The following GALNT13 variants were observed in gnomAD, a reference collection of about 807,000 sequenced individuals.
GALNT13 encodes polypeptide N-acetylgalactosaminyltransferase 13.
In GALNT13, 28 loss-of-function variants were observed where a neutral mutation model predicts 64.2. That is an observed-to-expected ratio of 0.44 (90% CI 0.32 to 0.60). GALNT13 has a LOEUF of 0.60. Ranked by LOEUF, GALNT13 falls within the 20% of genes least tolerant of loss-of-function variation. The pLI is 0.05. For missense variants in GALNT13, 577 were observed against 669.8 expected (o/e 0.86, Z 1.53); for synonymous variants, 214 against 224.6 (o/e 0.95, Z 0.42).
chr2:154,456,146 T>C (rs1702029714), downstream of GALNT13, among the ~76,000 whole-genome samples: 1 of 7,148 alleles, frequency 1.4e-4, no homozygotes, highest in African/African-American at 3.1e-4. Flanking sequence ...ATGTCTTTTT[T>C]TGTTTTTTTT....
the GALNT13 span, among the ~76,000 whole-genome samples, chr2:153,627,105 A>G: frequency 1.0e-3 from 155 of 152,158 alleles, no homozygotes; most frequent in Admixed American, 2.6e-3. Flanking sequence ...GGAATGTAAT[A>G]CCTGAAGGTG....
chr2:153,911,580 G>A (rs1438331596), intron 2 of GALNT13, among the ~76,000 whole-genome samples: 1 of 152,036 alleles, frequency 6.6e-6, no homozygotes, highest in Non-Finnish European at 1.5e-5. Context: ...GCTTTTTTCA[G>A]GAGCTCTTAT....
chr2:153,424,399 C>T, the GALNT13 span, among the ~76,000 whole-genome samples: 2 of 151,434 alleles, frequency 1.3e-5, no homozygotes, highest in Non-Finnish European at 3.0e-5. Context: ...AAAACCAAAA[C>T]TCATTAGTGT....
At chr2:153,910,238 A>C (rs1400136389) in intron 2 of GALNT13, among the ~76,000 whole-genome samples, 3 of 152,016 alleles carry the variant, frequency 2.0e-5, no homozygotes, top group Non-Finnish European at 4.4e-5. Context: ...AGGTATTCGT[A>C]GTAGTCTCTG....
At chr2:154,374,883 T>G (rs1697894539) in intron 9 of GALNT13, among the ~76,000 whole-genome samples, 1 of 152,252 alleles carries the variant, frequency 6.6e-6, no homozygotes, top group Non-Finnish European at 1.5e-5. Flanking sequence ...AGATAGATAG[T>G]GATTTAATTA....
Position 153,928,230 on chromosome 2 carries a change from A to G in GALNT13, c.-104-16164A>G, listed in dbSNP as rs569416584. ...CCTGTTTTGAAATGGAAGCCTAGATAAGAAATAACCACATTATTCTACACA... is the reference window on the plus strand; with the variant it reads ...CCTGTTTTGAAATGGAAGCCTAGATGAGAAATAACCACATTATTCTACACA... On this transcript the variant is annotated intron_variant, in intron 2 of 12. Transcript: ENST00000392825. Among the ~76,000 whole-genome samples, 4 of 152,278 alleles carry G rather than the reference A, an allele frequency of 2.6e-5. No individual in the cohort carries two copies. The South Asian group carries it at 8.3e-4, about 32-fold the overall frequency.
intron 9 of GALNT13, among the ~76,000 whole-genome samples, chr2:154,368,268 A>G (rs1012953671): frequency 7.9e-5 from 12 of 152,144 alleles, no homozygotes; most frequent in African/African-American, 2.9e-4. Context: ...TTATTCTGAT[A>G]TGAGCTTCTC....
the GALNT13 span, among the ~76,000 whole-genome samples, chr2:153,123,188 A>G: frequency 1.3e-5 from 2 of 152,306 alleles, no homozygotes; most frequent in African/African-American, 4.8e-5. Flanking sequence ...TCTGCAAGCT[A>G]GGAAACACCA....
chr2:154,287,176 T>C, intron 8 of GALNT13: 1 of 1,482,946 alleles, frequency 6.7e-7, no homozygotes, highest in Non-Finnish European at 9.3e-7. Flanking sequence ...AACAATTGGC[T>C]CAGCAGGAAG....
chr2:153,130,475 C>T, the GALNT13 span, among the ~76,000 whole-genome samples: 1 of 152,144 alleles, frequency 6.6e-6, no homozygotes, highest in South Asian at 2.1e-4. Context: ...TTGCTGAAAA[C>T]TCTCTAAGTG....
At chr2:154,381,049 C>A (rs1412933814) in intron 9 of GALNT13, among the ~76,000 whole-genome samples, 1 of 151,954 alleles carries the variant, frequency 6.6e-6, no homozygotes, top group Admixed American at 6.6e-5. Flanking sequence ...AAAGTGACAC[C>A]TCATCATTTT....
chr2:153,141,099 A>T, the GALNT13 span, among the ~76,000 whole-genome samples: 2 of 106,026 alleles, frequency 1.9e-5, no homozygotes, highest in East Asian at 5.4e-4. Flanking sequence ...TTGACATTTC[A>T]TATGTAAAAT....
chr2:153,580,686 T>TA, the GALNT13 span, among the ~76,000 whole-genome samples: 61 of 152,134 alleles, frequency 4.0e-4, no homozygotes, highest in African/African-American at 1.3e-3. Context: ...AAACTTTGAG[T>TA]AAAAAACATG....
In GALNT13 at chr2:154,140,520, G is replaced by C. The variant is rs780009190; in HGVS notation, c.311+15G>C. 6.4e-7 allele frequency: 1 copy of C among 1,562,114 alleles called. No individual in the cohort carries two copies. Among genetic ancestry groups the C allele is most frequent in the East Asian group, 2.3e-5 (1 of 44,412 alleles). ...AGATTAGAAGGGTAAGTTTGCATTT[G>C]TTATATAATCTTTTATATTCATAAT... On this transcript the variant is annotated intron_variant, in intron 4 of 12. Coordinates refer to ENST00000392825, the MANE Select transcript of GALNT13 (RefSeq NM_052917.4).
chr2:153,723,880 C>T, the GALNT13 span, among the ~76,000 whole-genome samples: 2 of 150,632 alleles, frequency 1.3e-5, no homozygotes, highest in Non-Finnish European at 2.9e-5. Flanking sequence ...CCATACTGCC[C>T]AAGGTAATTT....
At chr2:153,512,169 T>C in the GALNT13 span, among the ~76,000 whole-genome samples, 6 of 152,142 alleles carry the variant, frequency 3.9e-5, no homozygotes, top group South Asian at 1.2e-3. Context: ...GGGGAAGCAC[T>C]GAAGAGAAAG....
At chr2:153,087,517 CTCTG>C in the GALNT13 span, among the ~76,000 whole-genome samples, 4 of 152,074 alleles carry the variant, frequency 2.6e-5, no homozygotes, top group Admixed American at 1.3e-4. Context: ...ACAATTTGTT[CTCTG>C]TCTGTCTTTT....
At chr2:153,371,724 T>A in the GALNT13 span, among the ~76,000 whole-genome samples, 1 of 152,204 alleles carries the variant, frequency 6.6e-6, no homozygotes, top group Non-Finnish European at 1.5e-5. Flanking sequence ...TTATCCTTAA[T>A]TTGATTGAAA....
chr2:154,174,138 G>C (rs1276053657), intron 4 of GALNT13, among the ~76,000 whole-genome samples: 3 of 152,094 alleles, frequency 2.0e-5, no homozygotes, highest in African/African-American at 4.8e-5. Flanking sequence ...TTCTTGATTT[G>C]TTGTTTGCAA....
Sources: gnomAD v4.1 joint callset for allele counts (sites outside exome capture counted in the v4.1 genomes callset) on GRCh38, gnomAD v4.1.1 for gene constraint, MANE v1.5 for transcripts, NCBI Gene and HGNC (gene_info 2026-07-23, HGNC 2026-07-21) for gene names.